Variants in TMEM131L observed in about 807,000 individuals in gnomAD.
The protein encoded by TMEM131L is transmembrane 131 like.
A neutral mutation model predicts 192.2 loss-of-function variants in TMEM131L; 54 were observed. That is an observed-to-expected ratio of 0.28 (90% CI 0.23 to 0.35). The LOEUF (loss-of-function observed/expected upper bound fraction) is 0.35, where lower values mean the gene tolerates loss of function less well. Among genes scored for constraint, TMEM131L ranks in the 10% least tolerant of loss-of-function variants. The probability of loss-of-function intolerance (pLI) is 1.00; values close to 1 mark genes in which losing one functional copy is unlikely to be tolerated. For missense variants in TMEM131L, 1,888 were observed against 1,972.9 expected (o/e 0.96, Z 0.82); for synonymous variants, 701 against 704.9 (o/e 0.99, Z 0.09).
chr4:153,494,715 C>T (rs1009224958), intron 3 of TMEM131L, among the ~76,000 whole-genome samples: 6 of 152,170 alleles, frequency 3.9e-5, no homozygotes, highest in Non-Finnish European at 8.8e-5. Flanking sequence ...AGGAAGTTGT[C>T]TTCTTGCAAA....
intron 18 of TMEM131L, 149 bp from the exon 19 acceptor site, chr4:153,593,650 C>CG: frequency 1.7e-6 from 1 of 597,082 alleles, no homozygotes; most frequent in Non-Finnish European, 3.1e-6. Context: ...GGTGGAATGT[C>CG]GGGTGGACAG....
intron 3 of TMEM131L, among the ~76,000 whole-genome samples, chr4:153,532,060 T>C (rs556176159): frequency 6.6e-6 from 1 of 152,222 alleles, no homozygotes; most frequent in Non-Finnish European, 1.5e-5. Flanking sequence ...TTGGAGTCCT[T>C]GTAGCAGCAG....
At chr4:153,517,327 C>T (rs955183603) in intron 3 of TMEM131L, among the ~76,000 whole-genome samples, 1 of 152,178 alleles carries the variant, frequency 6.6e-6, no homozygotes, top group Non-Finnish European at 1.5e-5. Flanking sequence ...CATTTCCCAC[C>T]TCTTCCCTCA....
chr4:153,632,713 C>A lies in TMEM131L; in HGVS notation c.4208-5C>A. On this transcript the variant is annotated splice_region_variant and splice_polypyrimidine_tract_variant and intron_variant, in intron 31 of 34. Coordinates refer to ENST00000409959, the MANE Select transcript of TMEM131L (RefSeq NM_001131007.2). ...GGTGGACTCAGGCCTTGTTCTCTTC[C>A]GTAGGTCTTTACTCACCTGGAGACC... The A allele has an allele frequency of 6.2e-7, 1 of 1,613,994 alleles. No individual in the cohort carries two copies. The highest frequency in any genetic ancestry group is 8.5e-7 in the Non-Finnish European group (1 of 1,179,962).
intron 18 of TMEM131L, 134 bp downstream of exon 18, chr4:153,592,718 C>T: frequency 1.5e-6 from 1 of 648,778 alleles, no homozygotes; most frequent in East Asian, 2.7e-5. Context: ...AGCTCATGGA[C>T]CTTGGGCATC....
Position 153,469,314 on chromosome 4 carries a change from GACAC to G in TMEM131L, c.195+2056_195+2059del, listed in dbSNP as rs201245535. Among the ~76,000 whole-genome samples the G allele has an allele frequency of 3.2e-3, 476 of 148,912 alleles. 9 individuals carry two copies. In the East Asian group the frequency reaches 0.05, roughly 16 times the overall value. On this transcript the variant is annotated intron_variant, in intron 2 of 34. Coordinates refer to ENST00000409959, the MANE Select transcript of TMEM131L (RefSeq NM_001131007.2). ...TATACCTGGGCCCAAGGGTAAGGGA[GACAC>G]ACACACACACACACACACACACGTG...
chr4:153,490,953 C>CAAAAA (rs3040164), intron 3 of TMEM131L, among the ~76,000 whole-genome samples: 8 of 82,044 alleles, frequency 9.8e-5, no homozygotes, highest in South Asian at 4.0e-4. Flanking sequence ...GACTCTGTCT[C>CAAAAA]AAAAAAAAAA....
chr4:153,564,879 A>C (rs1729090276), intron 7 of TMEM131L, among the ~76,000 whole-genome samples: 1 of 152,222 alleles, frequency 6.6e-6, no homozygotes, highest in African/African-American at 2.4e-5. Context: ...ATAACCTGGG[A>C]CCAGCTTCTC....
chr4:153,555,947 C>T lies in TMEM131L; in HGVS notation c.432+37C>T. 6.5e-7 allele frequency: 1 copy of T among 1,540,870 alleles called. No homozygotes were observed. Among genetic ancestry groups the T allele is most frequent in the Non-Finnish European group, 8.8e-7 (1 of 1,141,026 alleles). ...TGGACTCCTGGAAACTATGCCGTGG[C>T]AGGCAGCCAGGTTTTCTTGCTTTCT... On this transcript the variant is annotated intron_variant, in intron 5 of 34. Transcript: ENST00000409959. This position sits in a 1 kb window ranked among gnomAD's most constrained non-coding sequence, Gnocchi z 4.1.
At position 153,467,929 on chromosome 4, in the gene TMEM131L, G is replaced by A. The variant is rs573706093; in HGVS notation, c.195+648G>A. Among the ~76,000 whole-genome samples the A allele has an allele frequency of 6.6e-4, 101 of 152,320 alleles. 1 individual carries two copies. Among genetic ancestry groups the A allele is most frequent in the African/African-American group, 2.3e-3 (95 of 41,576 alleles). On this transcript the variant is annotated intron_variant, in intron 2 of 34. Coordinates refer to ENST00000409959, the MANE Select transcript of TMEM131L (RefSeq NM_001131007.2). ...ACTGCAAAGCTTTTAACTTTTACAA[G>A]AAATTCCCATTGACTGTGAAGTGTG... is the stretch of plus-strand genomic sequence containing the variant.
intron 3 of TMEM131L, among the ~76,000 whole-genome samples, chr4:153,504,436 C>T (rs4696466): frequency 0.16 from 23,966 of 150,908 alleles, 3,822 homozygotes; most frequent in African/African-American, 0.39. Context: ...CGCACTACCA[C>T]GCCCGGCTAA....
At chr4:153,530,204 C>G (rs958592218) in intron 3 of TMEM131L, among the ~76,000 whole-genome samples, 1 of 151,976 alleles carries the variant, frequency 6.6e-6, no homozygotes, top group African/African-American at 2.4e-5. Context: ...ATCTTGGTAA[C>G]GTGATTATCA....
intron 3 of TMEM131L, among the ~76,000 whole-genome samples, chr4:153,509,519 G>T (rs1734212777): frequency 6.6e-6 from 1 of 152,124 alleles, no homozygotes; most frequent in African/African-American, 2.4e-5. Flanking sequence ...TTTAGACCAG[G>T]AGTTTGAGAC....
chr4:153,548,379 A>G (rs939537845), intron 3 of TMEM131L, among the ~76,000 whole-genome samples: 33 of 152,284 alleles, frequency 2.2e-4, no homozygotes, highest in Non-Finnish European at 4.0e-4. Context: ...ATCTTGGCTC[A>G]CTGCAAGCTC....
rs1228807301 is a variant in TMEM131L at position 153,606,039 on chromosome 4, C to T, written c.3418+1609C>T. On this transcript the variant is annotated intron_variant, in intron 25 of 34. Transcript: ENST00000409959. ...ACTGTGCCCTGTCTCCTCCACCTGGCGTGTGAGTATGCCCCCTGGTAATGC... is the reference window on the plus strand; with the variant it reads ...ACTGTGCCCTGTCTCCTCCACCTGGTGTGTGAGTATGCCCCCTGGTAATGC... Among the ~76,000 whole-genome samples, 6 of 152,290 alleles carry T rather than the reference C, an allele frequency of 3.9e-5. No individual in the cohort carries two copies. The East Asian group carries it at 7.7e-4, about 20-fold the overall frequency.
chr4:153,598,444 T>C (rs1731601693), intron 20 of TMEM131L, 146 bp from the exon 21 acceptor site: 1 of 714,926 alleles, frequency 1.4e-6, no homozygotes, highest in Non-Finnish European at 2.2e-6. Flanking sequence ...TGGAAGAAGA[T>C]ACCACACTAT....
rs867335317 is a variant in TMEM131L, at chr4:153,582,436, T to G, written c.893-754T>G. Among the ~76,000 whole-genome samples, 508 of 131,300 alleles carry G rather than the reference T, an allele frequency of 3.9e-3. 4 individuals carry two copies. Among genetic ancestry groups the G allele is most frequent in the Middle Eastern group, 0.016 (4 of 256 alleles). 86.1% of individuals were successfully genotyped at this position (131,300 alleles called of 152,430 possible). On this transcript the variant is annotated intron_variant, in intron 9 of 34. Coordinates refer to ENST00000409959, the MANE Select transcript of TMEM131L (RefSeq NM_001131007.2). The stretch of plus-strand genomic sequence containing the variant: ...ATTTAAACCGTTTTTTTTTGTTGTT[T>G]TTTTTTTTTTTTTTTTTTTTTTTGT...
Position 153,489,638 on chromosome 4 carries a change from C to G in TMEM131L, c.239+15750C>G, listed in dbSNP as rs185879983. ...GGTTACAGGCATGTACCACCATGCC[C>G]GGCTAATTTTTGTATTTTTAGTAGA... On this transcript the variant is annotated intron_variant, in intron 3 of 34. Transcript: ENST00000409959. 4.2e-3 allele frequency among the ~76,000 whole-genome samples: 646 copies of G among 152,148 alleles called. 5 individuals carry two copies. Among genetic ancestry groups the G allele is most frequent in the Non-Finnish European group, 7.0e-3 (474 of 67,986 alleles).
chr4:153,496,075 G>T (rs1733151435), intron 3 of TMEM131L, among the ~76,000 whole-genome samples: 1 of 152,216 alleles, frequency 6.6e-6, no homozygotes. Context: ...CTCGAGGGCG[G>T]CGAGACCTGA....
Sources: allele counts gnomAD v4.1 joint callset (sites outside exome capture counted in the v4.1 genomes callset), GRCh38; gene constraint gnomAD v4.1.1; non-coding constraint Gnocchi (gnomAD v3.1); transcripts MANE v1.5; gene names NCBI Gene and HGNC (gene_info 2026-07-23, HGNC 2026-07-21).